ARHGAP15: variants seen among roughly 807,000 people sequenced by gnomAD.
ARHGAP15 encodes rho GTPase-activating protein 15.
ARHGAP15 carries 51 observed loss-of-function variants against 63.7 expected under a neutral mutation model. The ratio of observed to expected loss-of-function variants is 0.80; its 90% CI spans 0.64 to 1.01. ARHGAP15 has a LOEUF of 1.01. Among genes scored for constraint, ARHGAP15 ranks in the 50% least tolerant of loss-of-function variants. The pLI, the probability that ARHGAP15 is intolerant of heterozygous loss-of-function variation, is 0.00. For missense variants in ARHGAP15, 560 were observed against 564.6 expected (o/e 0.99, Z 0.08); for synonymous variants, 191 against 193.8 (o/e 0.99, Z 0.12).
chr2:143,139,882 T>A lies in ARHGAP15; in HGVS notation c.-15+10416T>A, dbSNP rs75832276. Among the ~76,000 whole-genome samples the A allele has an allele frequency of 3.9e-3, 593 of 152,212 alleles. 1 individual carries two copies. Among genetic ancestry groups the A allele is most frequent in the African/African-American group, 0.014 (566 of 41,530 alleles). ...ACCACTTGCTAGATCCTGTATGATA[T>A]TTTGGGCAAGTTACTTAATCTTTCT... is the stretch of plus-strand genomic sequence containing the variant. On this transcript the variant is annotated intron_variant, in intron 1 of 13. Coordinates refer to ENST00000295095, the MANE Select transcript of ARHGAP15 (RefSeq NM_018460.4).
chr2:143,609,772 C>A (rs914439447), intron 11 of ARHGAP15, among the ~76,000 whole-genome samples: 7 of 152,152 alleles, frequency 4.6e-5, no homozygotes, highest in Non-Finnish European at 8.8e-5. Flanking sequence ...AGGCTTCCAA[C>A]TAGATTGGGC....
chr2:143,576,979 A>G (rs1423400491), intron 11 of ARHGAP15, among the ~76,000 whole-genome samples: 2 of 152,178 alleles, frequency 1.3e-5, no homozygotes, highest in Non-Finnish European at 1.5e-5. Context: ...TCATCAAACT[A>G]TAGCTAAAAC....
At chr2:143,195,934 C>T (rs1691870596) in intron 2 of ARHGAP15, among the ~76,000 whole-genome samples, 1 of 151,996 alleles carries the variant, frequency 6.6e-6, no homozygotes, top group South Asian at 2.1e-4. Context: ...TGTAATATAT[C>T]ACATACTAAT....
chr2:143,361,324 T>C (rs1461382276), intron 6 of ARHGAP15, among the ~76,000 whole-genome samples: 1 of 152,192 alleles, frequency 6.6e-6, no homozygotes, highest in Non-Finnish European at 1.5e-5. Context: ...ATGTAGTATA[T>C]AAAGTCTCCA....
chr2:143,584,336 C>T (rs767516477), intron 11 of ARHGAP15, among the ~76,000 whole-genome samples: 12 of 152,042 alleles, frequency 7.9e-5, no homozygotes, highest in Non-Finnish European at 1.6e-4. Flanking sequence ...TTTAGAAATC[C>T]GACAATAGGC....
chr2:143,261,325 C>CTTT lies in ARHGAP15; in HGVS notation c.474+10749_474+10751dup, dbSNP rs534351317. On this transcript the variant is annotated intron_variant, in intron 6 of 13. Coordinates refer to ENST00000295095, the MANE Select transcript of ARHGAP15 (RefSeq NM_018460.4). ...GACAGCTGTATCTTGGAGGAATGAC[C>CTTT]TTTTTTTTTTTTTTTTTTTTTTTTT... Among the ~76,000 whole-genome samples, 68 of 89,578 alleles carry CTTT rather than the reference C, an allele frequency of 7.6e-4. 9 individuals are homozygous for CTTT. The highest frequency in any genetic ancestry group is 2.5e-3 in the African/African-American group (49 of 19,842). 58.8% of individuals were successfully genotyped at this position (89,578 alleles called of 152,430 possible). A position where few individuals can be genotyped will look rare whatever the true frequency, so the allele number is the denominator to read the frequency against.
chr2:143,717,178 C>T (rs994838682), intron 13 of ARHGAP15, among the ~76,000 whole-genome samples: 7 of 152,180 alleles, frequency 4.6e-5, no homozygotes, highest in Non-Finnish European at 1.0e-4. Flanking sequence ...AAGCACTGAA[C>T]CCAGATGCCC....
chr2:143,365,378 A>G (rs994065993), intron 6 of ARHGAP15, among the ~76,000 whole-genome samples: 1 of 152,216 alleles, frequency 6.6e-6, no homozygotes, highest in African/African-American at 2.4e-5. Flanking sequence ...AAATCTGGCA[A>G]TCATCCTTTC....
At chr2:143,389,569 A>C (rs951139593) in intron 6 of ARHGAP15, among the ~76,000 whole-genome samples, 2 of 152,182 alleles carry the variant, frequency 1.3e-5, no homozygotes, top group Non-Finnish European at 2.9e-5. Flanking sequence ...GCTATTTCAA[A>C]GGAAAATGCA....
chr2:143,315,450 C>G (rs1683658450), intron 6 of ARHGAP15, among the ~76,000 whole-genome samples: 1 of 151,924 alleles, frequency 6.6e-6, no homozygotes, highest in Non-Finnish European at 1.5e-5. Context: ...ACATGTGGCT[C>G]CCAAGCACAG....
At chr2:143,730,030 G>A (rs1685456497) in intron 13 of ARHGAP15, among the ~76,000 whole-genome samples, 1 of 152,152 alleles carries the variant, frequency 6.6e-6, no homozygotes, top group African/African-American at 2.4e-5. Context: ...AACAGAAGAG[G>A]CAAGGAATTG....
chr2:143,206,008 G>A (rs915440989), intron 3 of ARHGAP15, among the ~76,000 whole-genome samples: 3 of 151,894 alleles, frequency 2.0e-5, no homozygotes, highest in African/African-American at 7.3e-5. Flanking sequence ...ATTTTCTACA[G>A]CATCATGGTC....
At chr2:143,359,093 T>G in intron 6 of ARHGAP15, among the ~76,000 whole-genome samples, 1 of 152,182 alleles carries the variant, frequency 6.6e-6, no homozygotes, top group East Asian at 1.9e-4. Flanking sequence ...TAGAAAAATC[T>G]TTTGATTATG....
chr2:143,327,922 C>T (rs10460253), intron 6 of ARHGAP15, among the ~76,000 whole-genome samples: 56,920 of 129,192 alleles, frequency 0.44, 11,503 homozygotes, highest in Middle Eastern at 0.5. Flanking sequence ...AAAAAAAAAT[C>T]CAAAAAGTGA....
chr2:143,234,199 T>C (rs1164530356), intron 5 of ARHGAP15, among the ~76,000 whole-genome samples: 2 of 152,226 alleles, frequency 1.3e-5, no homozygotes, highest in Admixed American at 1.3e-4. Flanking sequence ...AAATGTACTA[T>C]GTATATTGTT....
intron 11 of ARHGAP15, among the ~76,000 whole-genome samples, chr2:143,589,052 C>A (rs890603208): frequency 6.6e-6 from 1 of 152,136 alleles, no homozygotes; most frequent in Non-Finnish European, 1.5e-5. Context: ...CCATTGGGCC[C>A]TCTTGCCTAC....
At chr2:143,661,863 G>A (rs909708830) in intron 12 of ARHGAP15, among the ~76,000 whole-genome samples, 6 of 152,302 alleles carry the variant, frequency 3.9e-5, no homozygotes, top group East Asian at 1.9e-4. Context: ...TTTTCGGACC[G>A]GCTTAAAAAA....
chr2:143,736,063 C>T (rs571078968), intron 13 of ARHGAP15, among the ~76,000 whole-genome samples: 1 of 152,256 alleles, frequency 6.6e-6, no homozygotes, highest in South Asian at 2.1e-4. Context: ...ACTGGGACTA[C>T]AAGAATAAGT....
intron 10 of ARHGAP15, among the ~76,000 whole-genome samples, chr2:143,523,797 C>T (rs1694152988): frequency 6.6e-6 from 1 of 152,094 alleles, no homozygotes; most frequent in African/African-American, 2.4e-5. Flanking sequence ...TATTTTAAAA[C>T]ATTAAAATGA....
Sources: gnomAD v4.1 joint callset for allele counts (sites outside exome capture counted in the v4.1 genomes callset) on GRCh38, gnomAD v4.1.1 for gene constraint, MANE v1.5 for transcripts, NCBI Gene and HGNC (gene_info 2026-07-23, HGNC 2026-07-21) for gene names.